Variants in SLC44A1 observed in about 807,000 individuals in gnomAD.
SLC44A1 encodes solute carrier family 44 member 1, also known as choline transporter-like protein 1.
Under a neutral mutation model 79.3 loss-of-function variants are expected in SLC44A1, and 26 were observed. The observed-to-expected ratio is 0.33, with a 90% CI of 0.24 to 0.46. The LOEUF (loss-of-function observed/expected upper bound fraction) is 0.46, where lower values mean the gene tolerates loss of function less well. Among genes scored for constraint, SLC44A1 ranks in the 20% least tolerant of loss-of-function variants. The pLI, the probability that SLC44A1 is intolerant of heterozygous loss-of-function variation, is 1.00. For missense variants in SLC44A1, 688 were observed against 798.1 expected (o/e 0.86, Z 1.66); for synonymous variants, 263 against 286.2 (o/e 0.92, Z 0.82).
At chr9:105,253,982 A>G (rs1829647016) in intron 1 of SLC44A1, among the ~76,000 whole-genome samples, 1 of 152,096 alleles carries the variant, frequency 6.6e-6, no homozygotes, top group Non-Finnish European at 1.5e-5. Context: ...CGGCCTCCCA[A>G]AGTGCTGGGA....
chr9:105,326,826 G>A (rs1406476187), intron 3 of SLC44A1, among the ~76,000 whole-genome samples: 2 of 152,076 alleles, frequency 1.3e-5, no homozygotes, highest in Non-Finnish European at 2.9e-5. Flanking sequence ...AATCACTGTC[G>A]CCTGTCCAGA....
chr9:105,320,114 G>A (rs929735828), intron 3 of SLC44A1, among the ~76,000 whole-genome samples: 1 of 151,944 alleles, frequency 6.6e-6, no homozygotes, highest in African/African-American at 2.4e-5. Context: ...TATATATTAT[G>A]TAGTATTTTG....
intron 1 of SLC44A1, among the ~76,000 whole-genome samples, chr9:105,299,013 G>A (rs1019398246): frequency 3.9e-5 from 6 of 152,144 alleles, no homozygotes; most frequent in Non-Finnish European, 8.8e-5. Context: ...CAGGAAGAGG[G>A]GTGGGAGTAG....
At chr9:105,375,791 C>T (rs1828260954) in intron 13 of SLC44A1, among the ~76,000 whole-genome samples, 1 of 152,140 alleles carries the variant, frequency 6.6e-6, no homozygotes, top group Non-Finnish European at 1.5e-5. Context: ...TTCATTGTAT[C>T]TGAGTATTAA....
chr9:105,371,510 T>TC (rs1460348008), intron 12 of SLC44A1, among the ~76,000 whole-genome samples: 142 of 151,686 alleles, frequency 9.4e-4, no homozygotes, highest in Middle Eastern at 3.4e-3. Flanking sequence ...GCCTTGTGGA[T>TC]CACAAGGCCA....
intron 13 of SLC44A1, among the ~76,000 whole-genome samples, chr9:105,377,487 A>G (rs191533857): frequency 6.6e-6 from 1 of 152,252 alleles, no homozygotes; most frequent in East Asian, 1.9e-4. Context: ...GCGGTGGCTC[A>G]TGCCTATAAT....
intron 1 of SLC44A1, among the ~76,000 whole-genome samples, chr9:105,299,004 A>G (rs555105988): frequency 2.6e-5 from 4 of 152,266 alleles, no homozygotes; most frequent in African/African-American, 7.2e-5. Context: ...GGGCCTGGCC[A>G]GGAAGAGGGG....
chr9:105,315,423 C>T (rs933885018), intron 3 of SLC44A1, among the ~76,000 whole-genome samples: 2 of 152,050 alleles, frequency 1.3e-5, no homozygotes, highest in African/African-American at 4.8e-5. Context: ...GCAATATCTA[C>T]ACATATACAG....
chr9:105,296,810 A>G (rs1275544278), intron 1 of SLC44A1, among the ~76,000 whole-genome samples: 10 of 152,224 alleles, frequency 6.6e-5, no homozygotes, highest in Admixed American at 2.6e-4. Flanking sequence ...TGAATAATAC[A>G]GAGAATTATG....
chr9:105,353,550 T>C (rs1460422838), intron 5 of SLC44A1, among the ~76,000 whole-genome samples: 1 of 152,148 alleles, frequency 6.6e-6, no homozygotes, highest in African/African-American at 2.4e-5. Flanking sequence ...GAGTGCTTAC[T>C]CCTACTCTTT....
intron 15 of SLC44A1, among the ~76,000 whole-genome samples, chr9:105,430,001 T>C (rs899402026): frequency 1.3e-5 from 2 of 152,040 alleles, no homozygotes; most frequent in African/African-American, 4.8e-5. Context: ...AGGCTCCTCC[T>C]GCCTCAGTGA....
chr9:105,366,371 T>C lies in SLC44A1; in HGVS notation c.1436T>C (p.Leu479Pro). 4.6e-6 allele frequency: 7 copies of C among 1,528,626 alleles called. No individual in the cohort carries two copies. Among genetic ancestry groups the C allele is most frequent in the Non-Finnish European group, 6.1e-6 (7 of 1,138,852 alleles). 94.7% of individuals were successfully genotyped at this position (1,528,626 alleles called of 1,614,324 possible). Residue 479 changes from leucine to proline, a missense_variant, in exon 12 of 16, where the codon CTG becomes CCG. Leu to Pro is a moderately conservative substitution (Grantham distance 98). Coordinates refer to ENST00000374720, the MANE Select transcript of SLC44A1 (RefSeq NM_080546.5). ...GKENACARCVLKSCICCLWCL... is the reference protein window; with the variant it reads ...GKENACARCVPKSCICCLWCL... ...GAAAATGCTTGTGCACGATGTGTGC[T>C]GAAATCTTGCATTTGTTGCCTTTGG...
intron 2 of SLC44A1, among the ~76,000 whole-genome samples, chr9:105,309,447 G>C (rs555803757): frequency 1.3e-5 from 2 of 152,154 alleles, no homozygotes; most frequent in Non-Finnish European, 2.9e-5. Flanking sequence ...AAGGGGAGCT[G>C]CTATTATTAC....
intron 15 of SLC44A1, among the ~76,000 whole-genome samples, chr9:105,420,477 T>C (rs908994396): frequency 1.3e-5 from 2 of 152,168 alleles, no homozygotes; most frequent in Non-Finnish European, 2.9e-5. Context: ...GAATCATGCA[T>C]CCCTTTTTAA....
In SLC44A1 at chr9:105,368,183, A is replaced by G. The variant is rs199557753; in HGVS notation, c.1494+1754A>G. Among the ~76,000 whole-genome samples the G allele has an allele frequency of 4.6e-5, 7 of 150,898 alleles. No individual in the cohort carries two copies. In the East Asian group the frequency reaches 1.2e-3, roughly 25 times the overall value. ...ATTAGTCAGTGATTTAGTACCAACA[A>G]CCCTGAGATGTTGGTCTTTTTTTTT... On this transcript the variant is annotated intron_variant, in intron 12 of 15. Transcript: ENST00000374720.
intron 4 of SLC44A1, among the ~76,000 whole-genome samples, chr9:105,344,662 T>C (rs1302631567): frequency 6.6e-6 from 1 of 152,218 alleles, no homozygotes; most frequent in East Asian, 1.9e-4. Context: ...TCAGGATATC[T>C]GTTTTATTCA....
chr9:105,247,628 T>C (rs1829489383), intron 1 of SLC44A1, among the ~76,000 whole-genome samples: 2 of 152,212 alleles, frequency 1.3e-5, no homozygotes, highest in Admixed American at 6.5e-5. Context: ...ACTCAGAATA[T>C]GTTTGTTTCA....
intron 1 of SLC44A1, among the ~76,000 whole-genome samples, chr9:105,283,560 C>A (rs1477486760): frequency 6.6e-6 from 1 of 152,074 alleles, no homozygotes; most frequent in African/African-American, 2.4e-5. Flanking sequence ...ACCTATCAAC[C>A]CAGCAGGCTA....
At chr9:105,376,360 ACACTACACACACT>A (rs1828289908) in intron 13 of SLC44A1, among the ~76,000 whole-genome samples, 1 of 131,238 alleles carries the variant, frequency 7.6e-6, no homozygotes, top group Non-Finnish European at 1.6e-5. Context: ...CTACACACAC[ACACTACACACACT>A]GCTTTTTTTT....
Sources: allele counts gnomAD v4.1 joint callset (sites outside exome capture counted in the v4.1 genomes callset), GRCh38; gene constraint gnomAD v4.1.1; transcripts MANE v1.5; gene names NCBI Gene and HGNC (gene_info 2026-07-23, HGNC 2026-07-21).